Variants in PDK3 observed in about 807,000 individuals in gnomAD.
The protein encoded by PDK3 is pyruvate dehydrogenase kinase, isozyme 3.
In PDK3, 12 loss-of-function variants were observed where a neutral mutation model predicts 32.0. The ratio of observed to expected loss-of-function variants is 0.37; its 90% CI spans 0.24 to 0.61. The LOEUF (loss-of-function observed/expected upper bound fraction) is 0.61. PDK3 is among the 20% of genes least tolerant of loss of function. PDK3 has a pLI of 0.65. For synonymous variants in PDK3, 122 were observed against 116.3 expected (o/e 1.05, Z -0.31); for missense variants, 188 against 316.9 (o/e 0.59, Z 3.09).
chrX:24,479,628 C>CA (rs940213163), intron 1 of PDK3, among the ~76,000 whole-genome samples: 5 of 108,581 alleles, frequency 4.6e-5, no homozygotes, highest in Non-Finnish European at 9.6e-5. Context: ...TAATAAAATA[C>CA]AAAAAAAAAT....
chrX:24,474,625 G>A (rs1032695554), intron 1 of PDK3, among the ~76,000 whole-genome samples: 3 of 109,395 alleles, frequency 2.7e-5, no homozygotes, highest in African/African-American at 6.7e-5. Flanking sequence ...TCTTGGCCAG[G>A]CTGGTCTCGA....
At chrX:24,489,966 C>G (rs1222625617) in intron 1 of PDK3, among the ~76,000 whole-genome samples, 3 of 110,936 alleles carry the variant, frequency 2.7e-5, no homozygotes, top group Non-Finnish European at 5.7e-5. Flanking sequence ...GCAGAATCAT[C>G]AGATGAGCCC....
At chrX:24,539,991 T>TA (rs1209392514) in exon 12 of PDK3, among the ~76,000 whole-genome samples, 2 of 112,143 alleles carry the variant, frequency 1.8e-5, no homozygotes, top group African/African-American at 6.5e-5. Flanking sequence ...TATTCCTTTG[T>TA]AGTCTTCTAA....
At chrX:24,542,497 T>A (rs1038247829) in exon 12 of PDK3, among the ~76,000 whole-genome samples, 2 of 112,732 alleles carry the variant, frequency 1.8e-5, no homozygotes, top group East Asian at 5.6e-4. Context: ...GTACGCCAGG[T>A]GATTTGTATT....
chrX:24,498,785 C>A, intron 2 of PDK3, 44 bp from the exon 3 acceptor site: 1 of 858,025 alleles, frequency 1.2e-6, no homozygotes, highest in Non-Finnish European at 1.6e-6. Flanking sequence ...GGGCAGGCAA[C>A]TAACATAGTA....
chrX:24,510,789 T>G (rs1325767040), intron 5 of PDK3, among the ~76,000 whole-genome samples: 1 of 111,952 alleles, frequency 8.9e-6, no homozygotes, highest in Non-Finnish European at 1.9e-5. Flanking sequence ...GCATAACCTT[T>G]ATTCTGCAGT....
Position 24,534,035 on chromosome X carries a change from A to T in PDK3, c.1184A>T (p.Glu395Val), listed in dbSNP as rs1922717641. 8.3e-7 allele frequency: 1 copy of T among 1,207,076 alleles called. No homozygotes were observed. Among genetic ancestry groups the T allele is most frequent in the African/African-American group, 1.8e-5 (1 of 57,081 alleles). ...GATGATTGGAGCAATCCCAGCAGTG[A>T]ACCCAGGGATGCTTCAAAATACAAA... is the stretch of plus-strand genomic sequence containing the variant. ...EADDWSNPSS[E>V]PRDASKYKAK... The change falls in exon 11 of 11, where the codon GAA becomes GTA. Residue 395 changes from glutamate (E) to valine (V), a missense_variant. By Grantham distance (121) the Glu-to-Val change is moderately radical. Transcript: ENST00000379162.
At chrX:24,501,875 C>A (rs4898243) in intron 3 of PDK3, among the ~76,000 whole-genome samples, 2 of 111,065 alleles carry the variant, frequency 1.8e-5, no homozygotes, top group Non-Finnish European at 3.8e-5. Flanking sequence ...GATGCTGATA[C>A]GTGGAGAATA....
At chrX:24,518,826 C>T in intron 5 of PDK3, 107 bp from the exon 6 acceptor site, 1 of 432,754 alleles carries the variant, frequency 2.3e-6, no homozygotes, top group East Asian at 3.8e-5. Context: ...TAGATATATA[C>T]ATGCACATGT....
At chrX:24,538,621 A>C (rs1283764354), downstream of PDK3, among the ~76,000 whole-genome samples, 1 of 111,074 alleles carries the variant, frequency 9.0e-6, no homozygotes, top group Non-Finnish European at 1.9e-5. Flanking sequence ...TCTATTAAAA[A>C]TACAAAAATT....
chrX:24,520,620 C>G, intron 6 of PDK3, among the ~76,000 whole-genome samples: 1 of 111,906 alleles, frequency 8.9e-6, no homozygotes, highest in Non-Finnish European at 1.9e-5. Flanking sequence ...AATACAGATA[C>G]AGAAATGTGA....
At chrX:24,524,538 A>G (rs1922476633) in intron 6 of PDK3, among the ~76,000 whole-genome samples, 1 of 112,130 alleles carries the variant, frequency 8.9e-6, no homozygotes, top group Non-Finnish European at 1.9e-5. Context: ...CACATGAATC[A>G]TTGTTATTGC....
chrX:24,502,603 T>C (rs1921885806), intron 3 of PDK3, among the ~76,000 whole-genome samples: 2 of 112,016 alleles, frequency 1.8e-5, no homozygotes, highest in Admixed American at 9.5e-5. Flanking sequence ...TGAGACACTT[T>C]AGGAGGCTGA....
intron 1 of PDK3, among the ~76,000 whole-genome samples, chrX:24,477,243 G>A (rs1035355826): frequency 8.0e-5 from 9 of 111,815 alleles, no homozygotes; most frequent in African/African-American, 2.6e-4. Context: ...GATTTTAATC[G>A]CATCATAGGT....
At chrX:24,518,837 G>GCACACA (rs3222401) in intron 5 of PDK3, 96 bp from the exon 6 acceptor site, 8 of 373,129 alleles carry the variant, frequency 2.1e-5, no homozygotes, top group Admixed American at 9.7e-5. Context: ...ATGCACATGT[G>GCACACA]CACACACACA....
In PDK3 at chrX:24,484,031, A is replaced by T. The variant is rs1258526018; in HGVS notation, c.107-10711A>T. ...GCCAGGAAATTTTTTGTTGTTGTTG[A>T]GGCAAAGTCTCACTGTGTCGCCCAG... On this transcript the variant is annotated intron_variant, in intron 1 of 10. Transcript: ENST00000379162. Among the ~76,000 whole-genome samples, 4 of 106,506 alleles carry T rather than the reference A, an allele frequency of 3.8e-5. No individual in the cohort carries two copies. The Admixed American group carries it at 4.1e-4, about 11-fold the overall frequency. 92.5% of individuals were successfully genotyped at this position (106,506 alleles called of 115,157 possible).
chrX:24,503,606 G>T (rs1021809716), intron 4 of PDK3, 95 bp downstream of exon 4: 1 of 642,875 alleles, frequency 1.6e-6, no homozygotes, highest in Non-Finnish European at 2.2e-6. Context: ...CTGCATTTTT[G>T]GTTGTAGAAA....
chrX:24,474,252 A>G (rs1362365473), intron 1 of PDK3, among the ~76,000 whole-genome samples: 1 of 111,280 alleles, frequency 9.0e-6, no homozygotes, highest in African/African-American at 3.3e-5. Context: ...AACCTCTTAC[A>G]GCTTCCTCAG....
intron 5 of PDK3, among the ~76,000 whole-genome samples, chrX:24,508,396 A>G (rs1922035993): frequency 8.9e-6 from 1 of 111,936 alleles, no homozygotes; most frequent in African/African-American, 3.2e-5. Context: ...AACCGTATCA[A>G]TGAAGTTTTA....
Sources: allele counts gnomAD v4.1 joint callset (sites outside exome capture counted in the v4.1 genomes callset), GRCh38; gene constraint gnomAD v4.1.1; transcripts MANE v1.5; gene names NCBI Gene and HGNC (gene_info 2026-07-23, HGNC 2026-07-21).